Variants in SLC25A10 observed in about 807,000 individuals in gnomAD.
The protein encoded by SLC25A10 is mitochondrial dicarboxylate carrier.
A neutral mutation model predicts 40.4 loss-of-function variants in SLC25A10; 32 were observed. That is an observed-to-expected ratio of 0.79 (90% confidence interval 0.60 to 1.06). The LOEUF is 1.06. Ranked by LOEUF, SLC25A10 falls within the 50% of genes least tolerant of loss-of-function variation. The pLI is 0.00. For synonymous variants in SLC25A10, 181 were observed against 171.1 expected, an observed-to-expected ratio of 1.06 and a Z score of -0.45; for missense variants, 394 against 402.6, an observed-to-expected ratio of 0.98 and a Z score of 0.18.
rs940379984 is a variant in SLC25A10 at position 81,715,990 on chromosome 17, C to T, written c.378-19C>T. ...CCCCTCGGCCCGCCCGCCCCTCCCG[C>T]CACCTGCTTCTGTTTCAGGATGCAG... On this transcript the variant is annotated intron_variant, in intron 4 of 10. Coordinates refer to ENST00000350690, the MANE Select transcript of SLC25A10 (RefSeq NM_012140.5). 2.5e-6 allele frequency: 4 copies of T among 1,572,334 alleles called. No individual in the cohort carries two copies. The highest frequency in any genetic ancestry group is 3.5e-6 in the Non-Finnish European group (4 of 1,158,934).
chr17:81,715,086 G>A lies in SLC25A10; in HGVS notation c.213+14G>A, dbSNP rs1465738762. The A allele has an allele frequency of 6.2e-7, 1 of 1,606,912 alleles. No individual in the cohort carries two copies. On this transcript the variant is annotated intron_variant, in intron 2 of 10. Coordinates refer to ENST00000350690, the MANE Select transcript of SLC25A10 (RefSeq NM_012140.5). ...CTGTGCAGACAGGTGCGTGGTGTGT[G>A]CCAGCCTTGGGCTCCCAGACTGGGG... is the stretch of plus-strand genomic sequence containing the variant.
At chr17:81,717,172 CTGGGGAGCCACCAGCTGTGACCT>C in intron 7 of SLC25A10, 100 bp downstream of exon 7, 1 of 1,346,754 alleles carries the variant, frequency 7.4e-7, no homozygotes, top group Non-Finnish European at 1.0e-6. Flanking sequence ...CAAAACCCTC[CTGGGGAGCCACCAGCTGTGACCT>C]TGTGGGGCAG....
rs2037467227 is a variant in SLC25A10 at position 81,715,505 on chromosome 17, A to G, written c.241A>G (p.Ile81Val). ...GACCTACTCCCTGACTCGGTTCGCC[A>G]TCTACGAGACTGTGCGGGACCGTGT... ...QMTYSLTRFA[I>V]YETVRDRVAK... The change falls in exon 3 of 11, where the codon ATC becomes GTC. Residue 81 changes from isoleucine (I) to valine (V), a missense_variant. Transcript: ENST00000350690. 1 of 1,612,714 alleles carries G rather than the reference A, an allele frequency of 6.2e-7. No individual in the cohort carries two copies. Among genetic ancestry groups the G allele is most frequent in the Non-Finnish European group, 8.5e-7 (1 of 1,179,800 alleles).
Position 81,719,820 on chromosome 17 carries a change from G to T in SLC25A10, c.706-11G>T. The T allele has an allele frequency of 6.2e-7, 1 of 1,612,838 alleles. No homozygotes were observed. The highest frequency in any genetic ancestry group is 8.5e-7 in the Non-Finnish European group (1 of 1,179,818). On this transcript the variant is annotated splice_polypyrimidine_tract_variant and intron_variant, in intron 9 of 10. Coordinates refer to ENST00000350690, the MANE Select transcript of SLC25A10 (RefSeq NM_012140.5). ...GCAGCCTTTTTGATTGTTTCACTGC[G>T]TTTTCTGCAGGGCGTTTTCCACTGC...
At position 81,719,999 on chromosome 17, in the gene SLC25A10, C is replaced by T. The variant is rs757006618; in HGVS notation, c.786C>T (p.Arg262=). The T allele has an allele frequency of 1.2e-5, 20 of 1,613,708 alleles. No homozygotes were observed. In the Admixed American group the frequency reaches 1.3e-4, roughly 11 times the overall value. Residue 262 remains arginine (R), a synonymous_variant, in exon 11 of 11, where the codon CGC becomes CGT. Transcript: ENST00000350690. ...FYKGLVPAGI[R]LIPHTVLTFV... is the part of the protein sequence containing the mutation. ...AGGGCCTCGTCCCAGCTGGCATCCG[C>T]CTCATCCCCCACACCGTGCTCACTT... is the stretch of plus-strand genomic sequence containing the variant.
Position 81,717,448 on chromosome 17 carries a change from T to C in SLC25A10, c.584T>C (p.Leu195Pro), listed in dbSNP as rs2037509943. The C allele has an allele frequency of 6.2e-7, 1 of 1,613,672 alleles. No homozygotes were observed. The highest frequency in any genetic ancestry group is 1.3e-5 in the African/African-American group (1 of 75,062). The change falls in exon 8 of 11, where the codon CTC (leucine) becomes CCC (proline). Residue 195 changes from leucine to proline, a missense_variant. Transcript: ENST00000350690. ...AKQLVLSTGYLSDNIFTHFVA... is the reference protein window; with the variant it reads ...AKQLVLSTGYPSDNIFTHFVA... ...CAGCTGGTCCTTAGCACCGGGTACC[T>C]CTCTGACAACATCTTCACTCACTTT...
chr17:81,715,825 G>T (rs2037476246), intron 4 of SLC25A10, 84 bp downstream of exon 4: 2 of 1,565,422 alleles, frequency 1.3e-6, no homozygotes, highest in African/African-American at 1.4e-5. Context: ...TGCTTGCAGG[G>T]TGGGGTCAGC....
chr17:81,718,776 G>A (rs190457115), intron 9 of SLC25A10, among the ~76,000 whole-genome samples: 151 of 148,688 alleles, frequency 1.0e-3, no homozygotes, highest in African/African-American at 3.6e-3. Context: ...GTGAAACCCC[G>A]TCTCTACTAA....
At chr17:81,717,197 G>T in intron 7 of SLC25A10, 125 bp downstream of exon 7, 2 of 1,161,852 alleles carry the variant, frequency 1.7e-6, no homozygotes, top group South Asian at 1.3e-5. Context: ...CTGTGACCTT[G>T]TGGGGCAGGG....
In SLC25A10 at chr17:81,712,343, G is replaced by A. The variant is rs2037396225; in HGVS notation, c.-84G>A. On this transcript the variant is annotated 5_prime_UTR_variant, in exon 1 of 11. Transcript: ENST00000350690. The stretch of plus-strand genomic sequence containing the variant: ...CGCTTTGAACCGGGCGCGGGGCGCG[G>A]GGCGCGGGGCGCTGCGGCCGGTACA... The A allele has an allele frequency of 3.2e-6, 3 of 951,190 alleles. No homozygotes were observed. Among genetic ancestry groups the A allele is most frequent in the Middle Eastern group, 4.0e-4 (1 of 2,498 alleles). The allele number at this position is 951,190 out of a possible 1,614,324, so 58.9% of individuals were successfully genotyped here. A position where few individuals can be genotyped will look rare whatever the true frequency, so the allele number is the denominator to read the frequency against.
Position 81,717,411 on chromosome 17 carries a change from G to A in SLC25A10, c.547G>A (p.Asp183Asn), listed in dbSNP as rs781339058. ...LVTVGQLSCY[D>N]QAKQLVLSTG... The stretch of plus-strand genomic sequence containing the variant: ...TGTGCCCCTGCAGCTGTCCTGCTAC[G>A]ACCAGGCCAAGCAGCTGGTCCTTAG... The change falls in exon 8 of 11, where the codon GAC (aspartate) becomes AAC (asparagine). Residue 183 changes from aspartate to asparagine, a missense_variant. Coordinates refer to ENST00000350690, the MANE Select transcript of SLC25A10 (RefSeq NM_012140.5). 9 of 1,613,378 alleles carry A rather than the reference G, an allele frequency of 5.6e-6. No homozygotes were observed. Among genetic ancestry groups the A allele is most frequent in the Non-Finnish European group, 6.8e-6 (8 of 1,179,924 alleles).
intron 1 of SLC25A10, chr17:81,713,189 AC>A (rs1249909312): frequency 6.8e-6 from 1 of 146,596 alleles, no homozygotes; most frequent in Non-Finnish European, 1.5e-5. Flanking sequence ...AGAAGCAGCC[AC>A]CGTTTTTTTA....
intron 1 of SLC25A10, among the ~76,000 whole-genome samples, chr17:81,714,370 C>G (rs949424652): frequency 6.6e-6 from 1 of 152,200 alleles, no homozygotes; most frequent in African/African-American, 2.4e-5. Flanking sequence ...TGACAGCCCC[C>G]GAGTGCCTGC....
chr17:81,715,617 G>A, intron 3 of SLC25A10, 25 bp downstream of exon 3: 1 of 1,611,532 alleles, frequency 6.2e-7, no homozygotes, highest in South Asian at 1.1e-5. Flanking sequence ...GGGAGGGGGA[G>A]GGGCGCGGGG....
At chr17:81,719,691 C>T in intron 9 of SLC25A10, 140 bp from the exon 10 acceptor site, 1 of 997,740 alleles carries the variant, frequency 1.0e-6, no homozygotes, top group Admixed American at 2.0e-5. Flanking sequence ...CCAGCAGCCG[C>T]CGCTCACACC....
intron 8 of SLC25A10, 115 bp from the exon 9 acceptor site, chr17:81,717,669 C>T: frequency 1.5e-6 from 2 of 1,362,732 alleles, no homozygotes; most frequent in East Asian, 2.5e-5. Context: ...GGTGCCCCCG[C>T]CAGCATGTTC....
In SLC25A10 at chr17:81,720,105, G is replaced by A. The variant is rs370778020; in HGVS notation, c.*28G>A. On this transcript the variant is annotated 3_prime_UTR_variant, in exon 11 of 11. Transcript: ENST00000350690. ...AGCCGTGGGAATGGCTGGGCTGCCA[G>A]GCCAGACACGCTAGGTTCTTCCAAA... 1.6e-3 allele frequency: 2,582 copies of A among 1,610,864 alleles called. 2 individuals carry two copies. The highest frequency in any genetic ancestry group is 1.8e-3 in the Non-Finnish European group (2,145 of 1,179,896).
chr17:81,715,602 C>A lies in SLC25A10; in HGVS notation c.328+10C>A, dbSNP rs781341003. The A allele has an allele frequency of 2.1e-5, 33 of 1,580,936 alleles. No homozygotes were observed. The highest frequency in any genetic ancestry group is 2.7e-5 in the Non-Finnish European group (31 of 1,153,734). ...CTGGGCTCCGTCAGCGGTGAGCTGCCGGGCGGGAGGGGGAGGGGCGCGGGG... is the reference window on the plus strand; with the variant it reads ...CTGGGCTCCGTCAGCGGTGAGCTGCAGGGCGGGAGGGGGAGGGGCGCGGGG... On this transcript the variant is annotated intron_variant, in intron 3 of 10. Coordinates refer to ENST00000350690, the MANE Select transcript of SLC25A10 (RefSeq NM_012140.5).
At chr17:81,714,284 G>A (rs1209403792) in intron 1 of SLC25A10, among the ~76,000 whole-genome samples, 1 of 152,224 alleles carries the variant, frequency 6.6e-6, no homozygotes, top group African/African-American at 2.4e-5. Flanking sequence ...CTACTGCCGG[G>A]AGCTCTCAGC....
Sources: allele counts gnomAD v4.1 joint callset (sites outside exome capture counted in the v4.1 genomes callset), GRCh38; gene constraint gnomAD v4.1.1; transcripts MANE v1.5; gene names NCBI Gene and HGNC (gene_info 2026-07-23, HGNC 2026-07-21).